Variants in PCOLCE2 observed in about 807,000 individuals in gnomAD.
The protein encoded by PCOLCE2 is procollagen C-proteinase enhancer 2.
PCOLCE2 carries 42 observed loss-of-function variants against 47.0 expected under a neutral mutation model. The ratio of observed to expected loss-of-function variants is 0.89; its 90% CI spans 0.70 to 1.16. The LOEUF (loss-of-function observed/expected upper bound fraction) is 1.16, where lower values mean the gene tolerates loss of function less well. Among genes scored for constraint, PCOLCE2 ranks in the 50% most tolerant of loss-of-function variants. The probability of loss-of-function intolerance (pLI) is 0.00; values close to 1 mark genes in which losing one functional copy is unlikely to be tolerated. For synonymous variants in PCOLCE2, 169 were observed against 191.7 expected, an observed-to-expected ratio of 0.88 and a Z score of 0.98; for missense variants, 500 against 526.1, an observed-to-expected ratio of 0.95 and a Z score of 0.49.
chr3:142,827,734 C>T, intron 6 of PCOLCE2: 1 of 793,220 alleles, frequency 1.3e-6, no homozygotes, highest in Non-Finnish European at 2.1e-6. Context: ...TGATGGGTGA[C>T]TCTTAAATTT....
intron 6 of PCOLCE2, among the ~76,000 whole-genome samples, chr3:142,828,512 G>GT (rs1937110625): frequency 6.6e-6 from 1 of 152,152 alleles, no homozygotes; most frequent in African/African-American, 2.4e-5. Flanking sequence ...TGGGAGCGGG[G>GT]TAGGGCATGA....
chr3:142,832,358 G>A (rs1937160440), intron 5 of PCOLCE2, among the ~76,000 whole-genome samples: 1 of 152,134 alleles, frequency 6.6e-6, no homozygotes, highest in Non-Finnish European at 1.5e-5. Context: ...CATCTCTGCA[G>A]CACACGGAAG....
Position 142,829,842 on chromosome 3 carries a change from T to C in PCOLCE2, c.715A>G (p.Ile239Val), listed in dbSNP as rs1252966972. Residue 239 changes from isoleucine to valine, a missense_variant, in exon 6 of 9, where the codon ATT (isoleucine) becomes GTT (valine). Transcript: ENST00000295992. ...KYCGDSPPAP[I>V]VSERNELLIQ... ...AGAAGTTCATTTCTCTCAGACACAA[T>C]TGGCCTAAAAAAAGAAAAATGTGTT... The C allele has an allele frequency of 6.4e-7, 1 of 1,564,290 alleles. No individual in the cohort carries two copies. The highest frequency in any genetic ancestry group is 2.3e-5 in the East Asian group (1 of 44,324).
chr3:142,885,937 A>C (rs1385740409), intron 2 of PCOLCE2, among the ~76,000 whole-genome samples: 1 of 152,198 alleles, frequency 6.6e-6, no homozygotes, highest in Non-Finnish European at 1.5e-5. Context: ...TGTTCTTCAG[A>C]CAAATCAAGC....
chr3:142,831,561 G>C (rs1302767337), intron 5 of PCOLCE2, among the ~76,000 whole-genome samples: 2 of 152,152 alleles, frequency 1.3e-5, no homozygotes, highest in Non-Finnish European at 2.9e-5. Context: ...TTTAAATAAT[G>C]CTTCTGAGAT....
intron 2 of PCOLCE2, among the ~76,000 whole-genome samples, chr3:142,871,698 C>G (rs369406429): frequency 1.5e-4 from 23 of 152,300 alleles, no homozygotes; most frequent in African/African-American, 5.1e-4. Flanking sequence ...AAGTTTTCAG[C>G]CTGCTGACTT....
chr3:142,844,208 T>C (rs771833358), intron 3 of PCOLCE2, among the ~76,000 whole-genome samples: 1 of 152,182 alleles, frequency 6.6e-6, no homozygotes. Flanking sequence ...TCCCACTAAA[T>C]TTGTGCATCT....
At chr3:142,869,005 AC>A (rs1413303369) in intron 2 of PCOLCE2, among the ~76,000 whole-genome samples, 1 of 152,000 alleles carries the variant, frequency 6.6e-6, no homozygotes, top group Non-Finnish European at 1.5e-5. Context: ...TAAAACAGAG[AC>A]CTTGGCCGGG....
intron 2 of PCOLCE2, among the ~76,000 whole-genome samples, chr3:142,886,981 GA>G (rs1933727899): frequency 6.6e-6 from 1 of 152,204 alleles, no homozygotes; most frequent in East Asian, 1.9e-4. Context: ...AAAAAGTGAA[GA>G]AGGTAACAGT....
chr3:142,858,401 T>C (rs1933111593), intron 2 of PCOLCE2, among the ~76,000 whole-genome samples: 1 of 152,240 alleles, frequency 6.6e-6, no homozygotes, highest in Admixed American at 6.5e-5. Context: ...CTCAGATCTG[T>C]GAATAGTTTC....
At position 142,838,914 on chromosome 3, in the gene PCOLCE2, G is replaced by T. The variant is rs774136773; in HGVS notation, c.574-8C>A. 1 of 1,604,438 alleles carries T rather than the reference G, an allele frequency of 6.2e-7. No individual in the cohort carries two copies. Among genetic ancestry groups the T allele is most frequent in the Non-Finnish European group, 8.5e-7 (1 of 1,171,314 alleles). ...AAACTTTAATTCTATAAGCTTTAGA[G>T]AAAGCACAATAGAAGTGTCAAATAT... On this transcript the variant is annotated splice_polypyrimidine_tract_variant and splice_region_variant and intron_variant, in intron 4 of 8. Coordinates refer to ENST00000295992, the MANE Select transcript of PCOLCE2 (RefSeq NM_013363.4).
intron 6 of PCOLCE2, 154 bp downstream of exon 6, chr3:142,829,538 C>A (rs941100798): frequency 1.1e-5 from 6 of 534,786 alleles, no homozygotes; most frequent in African/African-American, 9.7e-5. Context: ...CCATACCTTT[C>A]TTTCATTAAT....
intron 7 of PCOLCE2, among the ~76,000 whole-genome samples, chr3:142,822,533 TAA>T (rs1937027408): frequency 6.6e-6 from 1 of 152,206 alleles, no homozygotes; most frequent in African/African-American, 2.4e-5. Context: ...TCCTGCGTGA[TAA>T]GTGTTCACTC....
intron 2 of PCOLCE2, among the ~76,000 whole-genome samples, chr3:142,881,742 T>C (rs1283350072): frequency 6.6e-6 from 1 of 152,220 alleles, no homozygotes; most frequent in Non-Finnish European, 1.5e-5. Flanking sequence ...ATATATGTGG[T>C]AGTCATTGAC....
chr3:142,818,592 C>G (rs1936977899), intron 8 of PCOLCE2, 127 bp from the exon 9 acceptor site: 1 of 741,142 alleles, frequency 1.3e-6, no homozygotes, highest in African/African-American at 1.8e-5. Context: ...TGTATTCCAT[C>G]CACGATAAAA....
intron 2 of PCOLCE2, among the ~76,000 whole-genome samples, chr3:142,865,666 TATAAA>T (rs1933270195): frequency 6.6e-6 from 1 of 152,174 alleles, no homozygotes. Flanking sequence ...TAGAGGATAA[TATAAA>T]AGAGTAAAAA....
intron 6 of PCOLCE2, among the ~76,000 whole-genome samples, chr3:142,824,339 C>A (rs567436369): frequency 6.6e-6 from 1 of 152,064 alleles, no homozygotes; most frequent in Non-Finnish European, 1.5e-5. Context: ...GATGCCGAGA[C>A]GCTGCTGACA....
chr3:142,827,194 G>A, intron 6 of PCOLCE2: 1 of 1,297,828 alleles, frequency 7.7e-7, no homozygotes, highest in African/African-American at 1.5e-5. Flanking sequence ...TCATCTCTGA[G>A]ATGGCGGAGG....
At position 142,820,913 on chromosome 3, in the gene PCOLCE2, G is replaced by A; in HGVS notation, c.1082C>T (p.Thr361Ile). Residue 361 changes from threonine (T) to isoleucine (I), a missense_variant, in exon 8 of 9, where the codon ACT (threonine) becomes ATT (isoleucine). Coordinates refer to ENST00000295992, the MANE Select transcript of PCOLCE2 (RefSeq NM_013363.4). ...QAGKNMSARL[T>I]VVCKQCPLLR... The stretch of plus-strand genomic sequence containing the variant: ...GAGAGGGCACTGCTTGCAGACGACA[G>A]TCAGCCTGGCACTCATGTTCTTGCC... The A allele has an allele frequency of 6.2e-7, 1 of 1,613,972 alleles. No individual in the cohort carries two copies. The highest frequency in any genetic ancestry group is 8.5e-7 in the Non-Finnish European group (1 of 1,179,868).
Sources: gnomAD v4.1 joint callset for allele counts (sites outside exome capture counted in the v4.1 genomes callset) on GRCh38, gnomAD v4.1.1 for gene constraint, MANE v1.5 for transcripts, NCBI Gene and HGNC (gene_info 2026-07-23, HGNC 2026-07-21) for gene names.